DAB1: variants seen among roughly 807,000 people sequenced by gnomAD.
DAB1 encodes the protein DAB adaptor protein 1, also known as disabled homolog 1.
Under a neutral mutation model 64.6 loss-of-function variants are expected in DAB1, and 15 were observed. The ratio of observed to expected loss-of-function variants is 0.23; its 90% CI spans 0.16 to 0.36. The LOEUF is 0.36. DAB1 is among the 10% of genes least tolerant of loss of function. DAB1 has a pLI of 1.00. For missense variants in DAB1, 596 were observed against 706.7 expected (o/e 0.84, Z 1.78); for synonymous variants, 235 against 251.9 (o/e 0.93, Z 0.64).
intron 9 of DAB1, among the ~76,000 whole-genome samples, chr1:57,057,157 C>G (rs571897575): frequency 6.6e-6 from 1 of 151,982 alleles, no homozygotes; most frequent in Non-Finnish European, 1.5e-5. Context: ...TCCACTGGAA[C>G]GATGAATCTC....
chr1:57,232,969 C>T (rs1425608235), intron 2 of DAB1, among the ~76,000 whole-genome samples: 2 of 152,136 alleles, frequency 1.3e-5, no homozygotes, highest in Non-Finnish European at 2.9e-5. Flanking sequence ...ACTTCAGTCA[C>T]CTTCCTTTCC....
chr1:57,306,286 G>A (rs1008833659), intron 1 of DAB1, among the ~76,000 whole-genome samples: 4 of 151,870 alleles, frequency 2.6e-5, no homozygotes, highest in African/African-American at 9.7e-5. Context: ...CCTATATCTT[G>A]CCCTTCAATG....
At chr1:57,128,181 AAAT>A (rs1657327379) in intron 4 of DAB1, among the ~76,000 whole-genome samples, 1 of 151,086 alleles carries the variant, frequency 6.6e-6, no homozygotes. Flanking sequence ...ATAAATAAAT[AAAT>A]AAATAAATAA....
intron 4 of DAB1, among the ~76,000 whole-genome samples, chr1:57,096,060 A>AT (rs1654133161): frequency 6.6e-6 from 1 of 152,130 alleles, no homozygotes; most frequent in Admixed American, 6.5e-5. Flanking sequence ...ACTTTGATGC[A>AT]TTTTCTCATT....
chr1:58,528,159 T>C (rs1646380607), intron 1 of DAB1, among the ~76,000 whole-genome samples: 2 of 152,260 alleles, frequency 1.3e-5, no homozygotes, highest in Non-Finnish European at 2.9e-5. Context: ...TTTAGGTCAA[T>C]GATGTATATC....
At chr1:58,289,993 T>G (rs2100448853) in intron 4 of DAB1, among the ~76,000 whole-genome samples, 1 of 152,314 alleles carries the variant, frequency 6.6e-6, no homozygotes, top group Admixed American at 6.5e-5. Context: ...AGCCCTGGAC[T>G]TGGAATAAGA....
At chr1:57,695,314 AAG>A (rs1288493858) in intron 6 of DAB1, among the ~76,000 whole-genome samples, 2 of 105,540 alleles carry the variant, frequency 1.9e-5, no homozygotes, top group East Asian at 5.9e-4. Context: ...GAAAGAAAGA[AAG>A]AAAGAAAGAA....
intron 1 of DAB1, among the ~76,000 whole-genome samples, chr1:57,318,481 A>AG (rs1177294243): frequency 2.6e-5 from 4 of 152,250 alleles, no homozygotes; most frequent in Admixed American, 2.0e-4. Flanking sequence ...TCCATAAGCC[A>AG]GGCAAGTTCC....
At chr1:58,456,240 G>A (rs920585131) in intron 3 of DAB1, among the ~76,000 whole-genome samples, 10 of 152,230 alleles carry the variant, frequency 6.6e-5, no homozygotes, top group African/African-American at 1.9e-4. Flanking sequence ...CATACACATA[G>A]GAGAGAACTG....
At chr1:57,455,937 A>T (rs1686574849) in intron 7 of DAB1, among the ~76,000 whole-genome samples, 1 of 152,178 alleles carries the variant, frequency 6.6e-6, no homozygotes, top group East Asian at 1.9e-4. Flanking sequence ...TGAATTCATC[A>T]TTAAAAATTT....
chr1:57,108,518 T>A (rs1274952794), intron 4 of DAB1, among the ~76,000 whole-genome samples: 3 of 152,188 alleles, frequency 2.0e-5, no homozygotes, highest in Non-Finnish European at 4.4e-5. Flanking sequence ...TTCCCACCAT[T>A]CATTACTCTT....
At chr1:58,186,866 G>C (rs1207801329) in intron 4 of DAB1, among the ~76,000 whole-genome samples, 1 of 152,130 alleles carries the variant, frequency 6.6e-6, no homozygotes, top group Non-Finnish European at 1.5e-5. Context: ...TCATGGCAGA[G>C]GACCAAGAGT....
At chr1:57,350,740 T>C (rs1353542632) in intron 1 of DAB1, among the ~76,000 whole-genome samples, 1 of 147,546 alleles carries the variant, frequency 6.8e-6, no homozygotes, top group Non-Finnish European at 1.5e-5. Flanking sequence ...TTCAAGTGTC[T>C]TCAAAAAAAA....
chr1:57,916,973 C>T (rs912679062), intron 5 of DAB1, among the ~76,000 whole-genome samples: 1 of 151,922 alleles, frequency 6.6e-6, no homozygotes, highest in African/African-American at 2.4e-5. Flanking sequence ...AATGAATCAT[C>T]TAAAGTTATG....
intron 5 of DAB1, among the ~76,000 whole-genome samples, chr1:57,925,382 A>G (rs1465191598): frequency 6.6e-6 from 1 of 152,180 alleles, no homozygotes; most frequent in East Asian, 1.9e-4. Flanking sequence ...CCAGCATGCA[A>G]TGGGTCACAC....
chr1:58,536,082 T>C (rs1646511905), intron 1 of DAB1, among the ~76,000 whole-genome samples: 1 of 152,086 alleles, frequency 6.6e-6, no homozygotes, highest in Admixed American at 6.5e-5. Flanking sequence ...GTTACTCTCA[T>C]GAGTGCTTTG....
chr1:58,011,670 C>T (rs1489716467), intron 5 of DAB1, among the ~76,000 whole-genome samples: 1 of 152,104 alleles, frequency 6.6e-6, no homozygotes, highest in Non-Finnish European at 1.5e-5. Flanking sequence ...TCGTCCCCTT[C>T]CTTCTAAAAT....
Position 57,272,102 on chromosome 1 carries a change from G to T in DAB1, c.67+18862C>A, listed in dbSNP as rs77066665. On this transcript the variant is annotated intron_variant, in intron 2 of 14. Transcript: ENST00000371236. Reference sequence around the variant, plus strand: ...GAGACTCCTGAAGGGAGATGTTGGCGTTTGATTTTCTAGTGCGGGGCTCCA... The same window carrying T: ...GAGACTCCTGAAGGGAGATGTTGGCTTTTGATTTTCTAGTGCGGGGCTCCA... 7.7e-3 allele frequency among the ~76,000 whole-genome samples: 1,174 copies of T among 152,286 alleles called. 14 individuals are homozygous for T. The highest frequency in any genetic ancestry group is 0.026 in the African/African-American group (1,085 of 41,534).
intron 3 of DAB1, among the ~76,000 whole-genome samples, chr1:58,467,596 G>T (rs1645308914): frequency 6.6e-6 from 1 of 152,130 alleles, no homozygotes; most frequent in African/African-American, 2.4e-5. Context: ...ATAAATAATT[G>T]CTACTCGGTG....
Sources: allele counts gnomAD v4.1 joint callset (sites outside exome capture counted in the v4.1 genomes callset), GRCh38; gene constraint gnomAD v4.1.1; transcripts MANE v1.5; gene names NCBI Gene and HGNC (gene_info 2026-07-23, HGNC 2026-07-21).